The following ARMCX4 variants were observed in gnomAD, a reference collection of about 807,000 sequenced individuals.
The protein encoded by ARMCX4 is armadillo repeat-containing X-linked protein 4.
ARMCX4 carries 3 observed loss-of-function variants against 34.7 expected under a neutral mutation model. The ratio of observed to expected loss-of-function variants is 0.09; its 90% CI spans 0.04 to 0.22. The LOEUF is 0.22. ARMCX4 is among the 10% of genes least tolerant of loss of function. The pLI is 1.00. For missense variants in ARMCX4, 1,448 were observed against 1,720.8 expected, an observed-to-expected ratio of 0.84 and a Z score of 2.81; for synonymous variants, 513 against 632.8, an observed-to-expected ratio of 0.81 and a Z score of 2.84.
rs1338158777 is a variant in ARMCX4 at position 101,443,928 on chromosome X, A to G, written n.165-124A>G. 2.1e-5 allele frequency: 8 copies of G among 378,251 alleles called. No homozygotes were observed. The East Asian group carries it at 5.3e-4, about 25-fold the overall frequency. 31.2% of individuals were successfully genotyped at this position (378,251 alleles called of 1,213,427 possible). On this transcript the variant is annotated intron_variant and non_coding_transcript_variant, in intron 2 of 3. Coordinates refer to the ARMCX4 transcript ENST00000430461. ...TTCAGGATGAAGTTCTCATCATCAA[A>G]TTTCTCCCCATAGTTGGAATTGCCA...
At chrX:101,478,817 C>T (rs1603198016) in intron 4 of ARMCX4, among the ~76,000 whole-genome samples, 1 of 111,402 alleles carries the variant, frequency 9.0e-6, no homozygotes, top group East Asian at 2.8e-4. Context: ...GACAAAACAA[C>T]ATTATAGAAT....
intron 10 of ARMCX4, chrX:101,510,969 C>T (rs1934567644): frequency 9.0e-6 from 1 of 111,102 alleles, no homozygotes; most frequent in Non-Finnish European, 1.9e-5. Flanking sequence ...TTAGGTTCTT[C>T]TTTTCATCCT....
intron 2 of ARMCX4, among the ~76,000 whole-genome samples, chrX:101,420,634 T>C (rs1555989880): frequency 8.9e-6 from 1 of 112,186 alleles, no homozygotes; most frequent in Non-Finnish European, 1.9e-5. Context: ...GAAGCAGTTA[T>C]TGAGCTGAGA....
At chrX:101,447,859 A>G (rs1555998328), downstream of ARMCX4, 1 of 111,078 alleles carries the variant, frequency 9.0e-6, no homozygotes, top group Non-Finnish European at 1.9e-5. Flanking sequence ...AGACTCTTTT[A>G]GTTATTATTA....
chrX:101,443,291 C>T (rs1603128359), intron 2 of ARMCX4, among the ~76,000 whole-genome samples: 1 of 110,687 alleles, frequency 9.0e-6, no homozygotes, highest in Middle Eastern at 4.6e-3. Context: ...CACTCTCTTG[C>T]CCTTCTGTCC....
In ARMCX4 at chrX:101,492,043, C is replaced by T; in HGVS notation, c.3454C>T (p.Arg1152Trp). The T allele has an allele frequency of 2.6e-6, 3 of 1,153,126 alleles. No individual in the cohort carries two copies. Among genetic ancestry groups the T allele is most frequent in the South Asian group, 1.9e-5 (1 of 52,315 alleles). ...GGCTAGTGATAAGGCTGGGATTATT[C>T]GGTCTTGGGCTGTGGCTTGTGATGA... The part of the protein sequence containing the change: ...SGASDKAGII[R>W]SWAVACDETS... Residue 1152 changes from arginine to tryptophan, a missense_variant, in exon 6 of 6, where the codon CGG (arginine) becomes TGG (tryptophan). Arg to Trp is a moderately radical substitution (Grantham distance 101). This residue lies in a region of ARMCX4 where 1,343 missense variants were observed against 1,540.7 expected (regional missense o/e 0.87). Transcript: ENST00000423738.
At chrX:101,478,988 A>G (rs1933319200) in intron 4 of ARMCX4, among the ~76,000 whole-genome samples, 1 of 111,099 alleles carries the variant, frequency 9.0e-6, no homozygotes, top group African/African-American at 3.3e-5. Flanking sequence ...ACACATATAT[A>G]TATTCTTAAG....
At chrX:101,508,072 G>A (rs183895009) in intron 8 of ARMCX4, among the ~76,000 whole-genome samples, 16 of 112,320 alleles carry the variant, frequency 1.4e-4, no homozygotes, top group African/African-American at 5.2e-4. Context: ...ACGCTGTTCA[G>A]GTCTATAGCC....
chrX:101,432,520 G>C (rs113650127), intron 2 of ARMCX4, among the ~76,000 whole-genome samples: 1 of 109,565 alleles, frequency 9.1e-6, no homozygotes, highest in African/African-American at 3.3e-5. Context: ...AATTAGCCAG[G>C]TGTGGTAGTG....
At chrX:101,505,315 G>C (rs782087227) in exon 8 of ARMCX4, 16 of 111,080 alleles carry the variant, frequency 1.4e-4, no homozygotes, top group African/African-American at 4.9e-4. Flanking sequence ...GAAGTTGTCG[G>C]ATGTGACTGC....
intron 2 of ARMCX4, chrX:101,419,214 G>A (rs1929090710): frequency 2.7e-5 from 3 of 111,089 alleles, no homozygotes; most frequent in Admixed American, 9.6e-5. Flanking sequence ...TATTTCACGC[G>A]TGGTAGTTTT....
downstream of ARMCX4, among the ~76,000 whole-genome samples, chrX:101,534,892 G>A (rs1259478606): frequency 2.7e-5 from 3 of 111,719 alleles, no homozygotes; most frequent in African/African-American, 9.7e-5. Context: ...TGTCCGCTGC[G>A]CATTCCCCTG....
At chrX:101,441,030 T>C (rs981791388) in intron 2 of ARMCX4, among the ~76,000 whole-genome samples, 4 of 110,994 alleles carry the variant, frequency 3.6e-5, no homozygotes, top group Non-Finnish European at 5.7e-5. Flanking sequence ...GGTACCTCAG[T>C]TGGAAATGCA....
At chrX:101,433,204 G>GCATATACGCACATATATACATATATGTA (rs1555993017) in intron 2 of ARMCX4, among the ~76,000 whole-genome samples, 1 of 28,857 alleles carries the variant, frequency 3.5e-5, no homozygotes, top group Non-Finnish European at 1.1e-4. Context: ...ACATATATGT[G>GCATATACGCACATATATACATATATGTA]CATATACGCA....
At position 101,492,095 on chromosome X, in the gene ARMCX4, C is replaced by T; in HGVS notation, c.3506C>T (p.Ala1169Val). 8.7e-7 allele frequency: 1 copy of T among 1,150,735 alleles called. No individual in the cohort carries two copies. The highest frequency in any genetic ancestry group is 1.1e-6 in the Non-Finnish European group (1 of 869,920). 94.8% of individuals were successfully genotyped at this position (1,150,735 alleles called of 1,213,427 possible). ...DETSVKSWAG[A>V]RAENVVGIGT... is the part of the protein sequence containing the mutation. Reference sequence around the variant, plus strand: ...ACCAGTGTTAAGTCCTGGGCTGGGGCCAGGGCTGAGAATGTGGTTGGTATT... The same window carrying T: ...ACCAGTGTTAAGTCCTGGGCTGGGGTCAGGGCTGAGAATGTGGTTGGTATT... Residue 1169 changes from alanine (A) to valine (V), a missense_variant, in exon 6 of 6, where the codon GCC (alanine) becomes GTC (valine). Around this residue, in one of 2 missense-constraint regions of ARMCX4, gnomAD observed 1,343 missense variants for 1,540.7 expected, o/e 0.87. Transcript: ENST00000423738.
At chrX:101,497,276 G>T (rs1340278553), downstream of ARMCX4, among the ~76,000 whole-genome samples, 1 of 108,083 alleles carries the variant, frequency 9.3e-6, no homozygotes, top group Non-Finnish European at 1.9e-5. Context: ...TCCCTCTGTC[G>T]CCCAGGCTGG....
At chrX:101,523,876 G>T (rs2057354) in intron 11 of ARMCX4, among the ~76,000 whole-genome samples, 58,033 of 110,476 alleles carry the variant, frequency 0.53, 12,208 homozygotes, top group Non-Finnish European at 0.68. Context: ...TGTTCATACA[G>T]TGTATAAATA....
rs1934127266 is a variant in ARMCX4 at position 101,494,371 on chromosome X, G to C, written c.5782G>C (p.Ala1928Pro). The C allele has an allele frequency of 8.7e-7, 1 of 1,153,552 alleles. No individual in the cohort carries two copies. The highest frequency in any genetic ancestry group is 1.9e-5 in the South Asian group (1 of 52,525). Residue 1928 changes from alanine to proline, a missense_variant, in exon 6 of 6, where the codon GCT (alanine) becomes CCT (proline). Coordinates refer to ENST00000423738, the MANE Select transcript of ARMCX4 (RefSeq NM_001256155.3). ...GAAAGATGCCAGTTTTGAGTCTGGAGCTGGGGATAACACCAGCATCAAGGA... is the reference window on the plus strand; with the variant it reads ...GAAAGATGCCAGTTTTGAGTCTGGACCTGGGGATAACACCAGCATCAAGGA... ...SGKDASFESG[A>P]GDNTSIKDKF...
chrX:101,421,741 C>G (rs1187997550), intron 2 of ARMCX4, among the ~76,000 whole-genome samples: 1 of 110,137 alleles, frequency 9.1e-6, no homozygotes, highest in Non-Finnish European at 1.9e-5. Flanking sequence ...CCGATCTTGC[C>G]CTTTTATAAT....
Sources: gnomAD v4.1 joint callset for allele counts (sites outside exome capture counted in the v4.1 genomes callset) on GRCh38, gnomAD v4.1.1 for gene constraint, gnomAD v4.1.1 regional missense constraint, MANE v1.5 for transcripts, NCBI Gene and HGNC (gene_info 2026-07-23, HGNC 2026-07-21) for gene names.